Variants in VEPH1 observed in about 807,000 individuals in gnomAD.
The protein encoded by VEPH1 is ventricular zone expressed PH domain containing 1.
In VEPH1, 80 loss-of-function variants were observed where a neutral mutation model predicts 85.2. The ratio of observed to expected loss-of-function variants is 0.94; its 90% CI spans 0.78 to 1.13. The LOEUF (loss-of-function observed/expected upper bound fraction) is 1.13, where lower values mean the gene tolerates loss of function less well. Among genes scored for constraint, VEPH1 ranks in the 50% most tolerant of loss-of-function variants. The probability of loss-of-function intolerance (pLI) is 0.00; values close to 1 mark genes in which losing one functional copy is unlikely to be tolerated. For synonymous variants in VEPH1, 297 were observed against 348.0 expected, an observed-to-expected ratio of 0.85 and a Z score of 1.63; for missense variants, 955 against 980.5, an observed-to-expected ratio of 0.97 and a Z score of 0.35.
In VEPH1 at chr3:157,465,990, T is replaced by C. The variant is rs150235520; in HGVS notation, c.354+4324A>G. On this transcript the variant is annotated intron_variant, in intron 3 of 13. Coordinates refer to ENST00000362010, the MANE Select transcript of VEPH1 (RefSeq NM_001167912.2). The stretch of plus-strand genomic sequence containing the variant: ...GCTTGGGAAGAGGCTGTGACTGCAG[T>C]AGAGTGAGGATAAAGCCAGGCATTG... Among the ~76,000 whole-genome samples the C allele has an allele frequency of 5.8e-3, 882 of 152,212 alleles. 11 individuals carry two copies. The highest frequency in any genetic ancestry group is 4.9e-3 in the Non-Finnish European group (334 of 68,012).
intron 7 of VEPH1, among the ~76,000 whole-genome samples, chr3:157,379,618 A>G (rs906187687): frequency 2.6e-5 from 4 of 152,152 alleles, no homozygotes; most frequent in African/African-American, 9.7e-5. Flanking sequence ...AGTAGACCCA[A>G]ATGACTAAAT....
chr3:157,470,123 G>T (rs536323420), intron 3 of VEPH1, among the ~76,000 whole-genome samples, 191 bp downstream of exon 3: 1 of 152,136 alleles, frequency 6.6e-6, no homozygotes, highest in Non-Finnish European at 1.5e-5. Flanking sequence ...AGTGTGTCTT[G>T]CACGTAGCAG....
At position 157,442,942 on chromosome 3, in the gene VEPH1, A is replaced by G. The variant is rs748334515; in HGVS notation, c.530-14454T>C. ...AATATTGTTGGGTGGGGAGTCACAGAGATCCAGCCACATGGAGGAGCTCAG... is the reference window on the plus strand; with the variant it reads ...AATATTGTTGGGTGGGGAGTCACAGGGATCCAGCCACATGGAGGAGCTCAG... On this transcript the variant is annotated intron_variant, in intron 4 of 13. Transcript: ENST00000362010. 17 of 1,613,410 alleles carry G rather than the reference A, an allele frequency of 1.1e-5. No individual in the cohort carries two copies. The South Asian group carries it at 1.8e-4, about 17-fold the overall frequency.
intron 7 of VEPH1, among the ~76,000 whole-genome samples, chr3:157,369,194 A>AAAAAAAAAAAAAAAC (rs1560001318): frequency 2.1e-5 from 3 of 144,962 alleles, no homozygotes; most frequent in Non-Finnish European, 4.5e-5. Flanking sequence ...AAAAAAAAAA[A>AAAAAAAAAAAAAAAC]AAAAAAAAAA....
chr3:157,357,864 G>A (rs1169226355), intron 9 of VEPH1, among the ~76,000 whole-genome samples: 1 of 152,154 alleles, frequency 6.6e-6, no homozygotes, highest in Non-Finnish European at 1.5e-5. Flanking sequence ...TTATTTTAAA[G>A]AAGAGCTTTT....
chr3:157,501,531 G>T (rs1740094230), intron 1 of VEPH1, among the ~76,000 whole-genome samples: 1 of 152,124 alleles, frequency 6.6e-6, no homozygotes, highest in African/African-American at 2.4e-5. Flanking sequence ...ACTTTTCAAG[G>T]TGACGTACAC....
intron 6 of VEPH1, chr3:157,413,520 A>T (rs1731677838): frequency 2.1e-5 from 21 of 985,378 alleles, no homozygotes; most frequent in Non-Finnish European, 2.4e-5. Flanking sequence ...GGTTGTTGTT[A>T]CTGCAAAGTG....
intron 7 of VEPH1, among the ~76,000 whole-genome samples, chr3:157,371,705 C>A (rs1727505036): frequency 6.6e-6 from 1 of 152,198 alleles, no homozygotes; most frequent in Non-Finnish European, 1.5e-5. Context: ...AGCAAGGCTG[C>A]TGAGGGTTTC....
intron 12 of VEPH1, among the ~76,000 whole-genome samples, chr3:157,280,236 G>A (rs1715928263): frequency 6.6e-6 from 1 of 152,010 alleles, no homozygotes; most frequent in Non-Finnish European, 1.5e-5. Context: ...ATGCTTGTAT[G>A]ATGATGAAAC....
At chr3:157,462,052 T>A (rs1400356558) in intron 3 of VEPH1, among the ~76,000 whole-genome samples, 1 of 147,952 alleles carries the variant, frequency 6.8e-6, no homozygotes, top group Non-Finnish European at 1.5e-5. Context: ...TTTATATATA[T>A]AATATATATT....
intron 12 of VEPH1, among the ~76,000 whole-genome samples, 156 bp from the exon 13 acceptor site, chr3:157,265,818 C>A (rs541144155): frequency 2.0e-5 from 3 of 152,000 alleles, no homozygotes; most frequent in Non-Finnish European, 4.4e-5. Flanking sequence ...CCTCCTTTGT[C>A]CCTAAAAGAA....
intron 2 of VEPH1, among the ~76,000 whole-genome samples, chr3:157,495,002 C>CA (rs1331814401): frequency 6.6e-6 from 1 of 152,126 alleles, no homozygotes; most frequent in East Asian, 1.9e-4. Flanking sequence ...TGTGAGTGGG[C>CA]AAAAGATGAT....
At chr3:157,442,648 G>A (rs765775634) in intron 4 of VEPH1, 1 of 1,614,238 alleles carries the variant, frequency 6.2e-7, no homozygotes, top group South Asian at 1.1e-5. Context: ...CACCTGTGCG[G>A]CACCTGGAAT....
intron 6 of VEPH1, among the ~76,000 whole-genome samples, chr3:157,386,654 A>G (rs1729335959): frequency 6.6e-6 from 1 of 152,162 alleles, no homozygotes; most frequent in African/African-American, 2.4e-5. Flanking sequence ...CAACCACACA[A>G]CCGAGAGTTG....
intron 11 of VEPH1, among the ~76,000 whole-genome samples, chr3:157,303,827 GAGCT>G (rs1719109290): frequency 6.6e-6 from 1 of 151,746 alleles, no homozygotes. Flanking sequence ...TCCTGGTTCT[GAGCT>G]CATAGCCTGA....
At chr3:157,392,887 T>C (rs1005322353) in intron 6 of VEPH1, among the ~76,000 whole-genome samples, 1 of 152,232 alleles carries the variant, frequency 6.6e-6, no homozygotes, top group Non-Finnish European at 1.5e-5. Flanking sequence ...TTCTTTCTTA[T>C]TGGTATAACC....
intron 12 of VEPH1, among the ~76,000 whole-genome samples, chr3:157,271,292 G>GCATGGGGCC (rs1477151727): frequency 6.6e-6 from 1 of 152,170 alleles, no homozygotes; most frequent in African/African-American, 2.4e-5. Flanking sequence ...AGCTAGCCCA[G>GCATGGGGCC]CATGAAGCCT....
intron 5 of VEPH1, among the ~76,000 whole-genome samples, chr3:157,426,171 T>C (rs1054008638): frequency 1.3e-5 from 2 of 152,188 alleles, no homozygotes; most frequent in African/African-American, 4.8e-5. Context: ...AGCATGAAAA[T>C]GGACTAATAC....
At chr3:157,368,835 A>T (rs1280120032) in intron 7 of VEPH1, among the ~76,000 whole-genome samples, 4 of 152,098 alleles carry the variant, frequency 2.6e-5, no homozygotes, top group Non-Finnish European at 5.9e-5. Context: ...AGTGAAATAT[A>T]CTAAATATAT....
Sources: allele counts gnomAD v4.1 joint callset (sites outside exome capture counted in the v4.1 genomes callset), GRCh38; gene constraint gnomAD v4.1.1; transcripts MANE v1.5; gene names NCBI Gene and HGNC (gene_info 2026-07-23, HGNC 2026-07-21).